Variants in CPNE8 observed in about 807,000 individuals in gnomAD.
The protein encoded by CPNE8 is copine 8.
Under a neutral mutation model 81.5 loss-of-function variants are expected in CPNE8, and 45 were observed. That is an observed-to-expected ratio of 0.55 (90% CI 0.44 to 0.71). CPNE8 has a LOEUF of 0.71. CPNE8 is among the 30% of genes least tolerant of loss of function. CPNE8 has a pLI of 0.00. For synonymous variants in CPNE8, 252 were observed against 226.3 expected (o/e 1.11, Z -1.02); for missense variants, 594 against 672.1 (o/e 0.88, Z 1.28).
At chr12:38,785,717 C>A (rs191636013) in intron 6 of CPNE8, among the ~76,000 whole-genome samples, 1 of 151,954 alleles carries the variant, frequency 6.6e-6, no homozygotes, top group African/African-American at 2.4e-5. Context: ...ATGAGACATA[C>A]AAGAAGACAT....
intron 3 of CPNE8, among the ~76,000 whole-genome samples, chr12:38,851,872 A>T (rs1943652222): frequency 6.6e-6 from 1 of 152,086 alleles, no homozygotes; most frequent in Non-Finnish European, 1.5e-5. Flanking sequence ...TCTTTGCTCC[A>T]GCCTCCTGGC....
chr12:38,853,467 C>T (rs73274737), intron 3 of CPNE8, among the ~76,000 whole-genome samples: 2,100 of 151,718 alleles, frequency 0.014, 47 homozygotes, highest in African/African-American at 0.046. Flanking sequence ...TACAAATATG[C>T]GGAAGCCAAG....
intron 6 of CPNE8, among the ~76,000 whole-genome samples, chr12:38,794,904 T>C (rs934222182): frequency 2.0e-5 from 3 of 152,206 alleles, no homozygotes; most frequent in Non-Finnish European, 2.9e-5. Flanking sequence ...TCAATGAGAC[T>C]GGGCACCATC....
At chr12:38,839,150 C>T (rs551130195) in intron 5 of CPNE8, among the ~76,000 whole-genome samples, 21 of 152,292 alleles carry the variant, frequency 1.4e-4, no homozygotes, top group African/African-American at 4.3e-4. Context: ...TTTTCACCCT[C>T]ATTCAGCCCT....
At chr12:38,691,025 T>C (rs1273563151) in intron 15 of CPNE8, among the ~76,000 whole-genome samples, 1 of 152,048 alleles carries the variant, frequency 6.6e-6, no homozygotes, top group Admixed American at 6.6e-5. Flanking sequence ...AATAGAAAAG[T>C]AAGAATAAAT....
At chr12:38,781,233 A>C (rs1942046823) in intron 6 of CPNE8, among the ~76,000 whole-genome samples, 1 of 152,080 alleles carries the variant, frequency 6.6e-6, no homozygotes, top group Non-Finnish European at 1.5e-5. Flanking sequence ...AAAAGGAACT[A>C]AGACTAAAGA....
intron 1 of CPNE8, among the ~76,000 whole-genome samples, chr12:38,881,163 T>C (rs1944150676): frequency 6.8e-6 from 1 of 148,122 alleles, no homozygotes; most frequent in Admixed American, 6.8e-5. Context: ...TGAGCCGAGA[T>C]CGCACCACTG....
chr12:38,724,065 C>A (rs1436736981), intron 12 of CPNE8, among the ~76,000 whole-genome samples: 1 of 152,002 alleles, frequency 6.6e-6, no homozygotes, highest in Non-Finnish European at 1.5e-5. Context: ...CTTTGAAGAC[C>A]AGCATGAAAA....
At chr12:38,862,005 A>C (rs1464042849) in intron 3 of CPNE8, among the ~76,000 whole-genome samples, 4 of 152,146 alleles carry the variant, frequency 2.6e-5, no homozygotes, top group African/African-American at 7.2e-5. Context: ...CTAGGCACTA[A>C]GCATCAAAGG....
At chr12:38,812,429 C>T (rs1942953166) in intron 6 of CPNE8, among the ~76,000 whole-genome samples, 1 of 152,168 alleles carries the variant, frequency 6.6e-6, no homozygotes, top group Non-Finnish European at 1.5e-5. Context: ...GAAGCAAACA[C>T]ATCCTTCTTC....
In CPNE8 at chr12:38,652,972, C is replaced by T. The variant is rs1938732553; in HGVS notation, c.*910G>A. The stretch of plus-strand genomic sequence containing the variant: ...CCAGTATCCCTTTGAATTAAAATAT[C>T]TAGACAAGATATAATGGAATAAAAA... On this transcript the variant is annotated 3_prime_UTR_variant, in exon 20 of 20. Transcript: ENST00000331366. 1 of 152,528 alleles carries T rather than the reference C, an allele frequency of 6.6e-6. No individual in the cohort carries two copies. The highest frequency in any genetic ancestry group is 2.4e-5 in the African/African-American group (1 of 41,430). 9.4% of individuals were successfully genotyped at this position (152,528 alleles called of 1,614,324 possible).
At chr12:38,803,419 T>G (rs1192147744) in intron 6 of CPNE8, among the ~76,000 whole-genome samples, 2 of 150,084 alleles carry the variant, frequency 1.3e-5, no homozygotes, top group South Asian at 4.4e-4. Flanking sequence ...CATGATTATC[T>G]CAATAGATGC....
chr12:38,751,150 G>T (rs1267224780), intron 10 of CPNE8, among the ~76,000 whole-genome samples: 1 of 152,198 alleles, frequency 6.6e-6, no homozygotes, highest in Admixed American at 6.5e-5. Context: ...GGCTTCCCCA[G>T]CCACTTGGAA....
chr12:38,760,574 C>T (rs780817169), intron 10 of CPNE8, among the ~76,000 whole-genome samples: 8 of 151,700 alleles, frequency 5.3e-5, no homozygotes, highest in Non-Finnish European at 1.0e-4. Context: ...AAATTTGATA[C>T]TCACTACAGC....
intron 1 of CPNE8, among the ~76,000 whole-genome samples, chr12:38,898,966 G>A (rs1184691315): frequency 6.6e-6 from 1 of 152,164 alleles, no homozygotes; most frequent in Non-Finnish European, 1.5e-5. Flanking sequence ...GAATAAAAGT[G>A]TAGAGAGAAC....
At chr12:38,702,767 A>G (rs1377197947) in intron 14 of CPNE8, 108 bp downstream of exon 14, 2 of 582,824 alleles carry the variant, frequency 3.4e-6, no homozygotes, top group African/African-American at 3.9e-5. Context: ...TATATGGAAA[A>G]CTTCAGAAGT....
At chr12:38,862,751 C>A (rs1301107637) in intron 3 of CPNE8, among the ~76,000 whole-genome samples, 4 of 152,082 alleles carry the variant, frequency 2.6e-5, no homozygotes, top group Non-Finnish European at 5.9e-5. Flanking sequence ...GAGTTCAAGA[C>A]CAGCCTGACT....
At chr12:38,717,427 G>GTATATCTATA (rs1491219731) in intron 13 of CPNE8, among the ~76,000 whole-genome samples, 1 of 69,728 alleles carries the variant, frequency 1.4e-5, no homozygotes, top group African/African-American at 5.7e-5. Flanking sequence ...AGAAAGTGTG[G>GTATATCTATA]TGTATATATA....
chr12:38,709,220 C>A (rs1184602829), intron 13 of CPNE8, among the ~76,000 whole-genome samples: 1 of 152,188 alleles, frequency 6.6e-6, no homozygotes, highest in African/African-American at 2.4e-5. Flanking sequence ...TCCAACCTAA[C>A]CCTTCTTGAC....
Sources: allele counts gnomAD v4.1 joint callset (sites outside exome capture counted in the v4.1 genomes callset), GRCh38; gene constraint gnomAD v4.1.1; transcripts MANE v1.5; gene names NCBI Gene and HGNC (gene_info 2026-07-23, HGNC 2026-07-21).